DLGAP2: variants seen among roughly 807,000 people sequenced by gnomAD.
DLGAP2 encodes disks large-associated protein 2.
A neutral mutation model predicts 100.3 loss-of-function variants in DLGAP2; 26 were observed. That is an observed-to-expected ratio of 0.26 (90% CI 0.19 to 0.36). The LOEUF is 0.36. Ranked by LOEUF, DLGAP2 falls within the 10% of genes least tolerant of loss-of-function variation. The probability of loss-of-function intolerance (pLI) is 1.00; values close to 1 mark genes in which losing one functional copy is unlikely to be tolerated. For missense variants in DLGAP2, 1,858 were observed against 1,453.2 expected (o/e 1.28, Z -4.53); for synonymous variants, 886 against 630.1 (o/e 1.41, Z -6.08).
chr8:810,261 C>A (rs1796347690), intron 1 of DLGAP2, among the ~76,000 whole-genome samples: 1 of 152,228 alleles, frequency 6.6e-6, no homozygotes, highest in Non-Finnish European at 1.5e-5. Flanking sequence ...CTGATTCTTG[C>A]AATACTTGAC....
intron 1 of DLGAP2, among the ~76,000 whole-genome samples, chr8:770,246 G>C (rs1397996185): frequency 2.0e-5 from 3 of 152,158 alleles, no homozygotes; most frequent in African/African-American, 7.2e-5. Context: ...CGTCAGGGGT[G>C]AGGGAGAGTG....
intron 2 of DLGAP2, among the ~76,000 whole-genome samples, chr8:1,224,664 A>G (rs962973685): frequency 2.0e-5 from 3 of 152,246 alleles, no homozygotes; most frequent in South Asian, 4.1e-4. Flanking sequence ...CAGAATGAAA[A>G]GAGAGATTAC....
In DLGAP2 at chr8:1,549,641, C is replaced by T. The variant is rs1015888225; in HGVS notation, c.1188C>T (p.His396=). 11 of 1,580,086 alleles carry T rather than the reference C, an allele frequency of 7.0e-6. No homozygotes were observed. The highest frequency in any genetic ancestry group is 1.7e-4 in the Middle Eastern group (1 of 6,032). The part of the protein sequence containing the change: ...SSLNLDKPLL[H]QDAKPALRPC... Reference sequence around the variant, plus strand: ...TGAACCTGGACAAGCCGCTGCTGCACCAGGACGCCAAGCCCGCCCTGAGGC... The same window carrying T: ...TGAACCTGGACAAGCCGCTGCTGCATCAGGACGCCAAGCCCGCCCTGAGGC... The change falls in exon 5 of 15, where the codon CAC becomes CAT. Residue 396 remains histidine, a synonymous_variant. Transcript: ENST00000637795.
intron 4 of DLGAP2, among the ~76,000 whole-genome samples, chr8:1,529,302 C>G (rs917098370): frequency 2.6e-5 from 4 of 152,200 alleles, no homozygotes; most frequent in Admixed American, 1.3e-4. Context: ...CCCCAGGATT[C>G]AATGACCTCC....
At chr8:1,589,660 C>T (rs1029437309) in intron 6 of DLGAP2, among the ~76,000 whole-genome samples, 1 of 152,180 alleles carries the variant, frequency 6.6e-6, no homozygotes. Context: ...GTAGCCCAGG[C>T]TGGTCTCAAA....
chr8:1,332,432 T>C (rs1801180242), intron 3 of DLGAP2, among the ~76,000 whole-genome samples: 1 of 152,112 alleles, frequency 6.6e-6, no homozygotes, highest in African/African-American at 2.4e-5. Flanking sequence ...TCAGTGTATA[T>C]ATGTCTGTGT....
chr8:1,493,852 T>G (rs1799465068), intron 3 of DLGAP2, among the ~76,000 whole-genome samples: 1 of 152,226 alleles, frequency 6.6e-6, no homozygotes, highest in African/African-American at 2.4e-5. Flanking sequence ...TGATTCTTCC[T>G]AGGCAGTGCT....
intron 3 of DLGAP2, among the ~76,000 whole-genome samples, chr8:1,432,257 CT>C (rs1436876367): frequency 2.0e-5 from 3 of 152,198 alleles, no homozygotes; most frequent in Non-Finnish European, 4.4e-5. Flanking sequence ...TTTAAAAATT[CT>C]TTATTGATTG....
intron 1 of DLGAP2, among the ~76,000 whole-genome samples, chr8:782,853 G>C (rs752358967): frequency 6.6e-6 from 1 of 152,166 alleles, no homozygotes; most frequent in Admixed American, 6.5e-5. Flanking sequence ...TTCCGCGTCT[G>C]CTGTGTCCTC....
intron 3 of DLGAP2, among the ~76,000 whole-genome samples, chr8:1,355,983 G>A (rs1442960426): frequency 1.3e-5 from 2 of 152,228 alleles, no homozygotes; most frequent in Non-Finnish European, 2.9e-5. Context: ...CCAAGGCTCC[G>A]CATTTGGGTG....
chr8:1,350,308 C>T lies in DLGAP2; in HGVS notation c.106+91425C>T, dbSNP rs543741406. ...CCTGAGCGTGCGTGGAAAGGCCGTGCGGGTCCTGAGCGTGCGTGGAAAGGC... is the reference window on the plus strand; with the variant it reads ...CCTGAGCGTGCGTGGAAAGGCCGTGTGGGTCCTGAGCGTGCGTGGAAAGGC... On this transcript the variant is annotated intron_variant, in intron 3 of 14. Coordinates refer to ENST00000637795, the MANE Select transcript of DLGAP2 (RefSeq NM_001346810.2). 1.5e-4 allele frequency among the ~76,000 whole-genome samples: 13 copies of T among 84,162 alleles called. 1 individual carries two copies. Among genetic ancestry groups the T allele is most frequent in the African/African-American group, 3.6e-4 (9 of 25,048 alleles). 55.2% of individuals were successfully genotyped at this position (84,162 alleles called of 152,430 possible). A position where few individuals can be genotyped will look rare whatever the true frequency, so the allele number is the denominator to read the frequency against.
chr8:1,204,123 C>T (rs1292839132), intron 2 of DLGAP2, among the ~76,000 whole-genome samples: 2 of 152,214 alleles, frequency 1.3e-5, no homozygotes, highest in African/African-American at 4.8e-5. Flanking sequence ...GAAAAGGTTG[C>T]CATACATGGC....
intron 3 of DLGAP2, among the ~76,000 whole-genome samples, chr8:1,303,224 C>A (rs941583875): frequency 1.3e-5 from 2 of 152,140 alleles, no homozygotes; most frequent in South Asian, 2.1e-4. Context: ...GGTGAAACCC[C>A]GTCTCTACTA....
chr8:1,086,397 T>G (rs192959210), intron 2 of DLGAP2, among the ~76,000 whole-genome samples: 30 of 152,302 alleles, frequency 2.0e-4, no homozygotes, highest in African/African-American at 7.0e-4. Flanking sequence ...TTGTTGTGGG[T>G]TTGTCATATA....
At chr8:1,151,975 C>G (rs1796705720) in intron 2 of DLGAP2, among the ~76,000 whole-genome samples, 1 of 152,194 alleles carries the variant, frequency 6.6e-6, no homozygotes, top group Admixed American at 6.5e-5. Context: ...CCACAAGACA[C>G]CTGCGAGTAG....
chr8:1,532,298 C>A (rs1801012110), intron 4 of DLGAP2, among the ~76,000 whole-genome samples: 1 of 152,228 alleles, frequency 6.6e-6, no homozygotes, highest in South Asian at 2.1e-4. Flanking sequence ...CACTGCCATT[C>A]CGATCCTTCT....
chr8:950,428 G>T (rs1426884799), intron 2 of DLGAP2, among the ~76,000 whole-genome samples: 1 of 152,032 alleles, frequency 6.6e-6, no homozygotes, highest in Admixed American at 6.6e-5. Flanking sequence ...GCTTCCTGCG[G>T]GTCACGTCAT....
At chr8:1,154,907 G>A (rs1447465497) in intron 2 of DLGAP2, among the ~76,000 whole-genome samples, 3 of 152,136 alleles carry the variant, frequency 2.0e-5, no homozygotes, top group African/African-American at 7.2e-5. Context: ...CAGTGTCCTC[G>A]GCCTACAGGA....
chr8:1,285,387 C>G (rs1271713532), intron 3 of DLGAP2, among the ~76,000 whole-genome samples: 2 of 152,176 alleles, frequency 1.3e-5, no homozygotes, highest in African/African-American at 2.4e-5. Flanking sequence ...AAAAAAGACA[C>G]TAACAAATGA....
Sources: gnomAD v4.1 joint callset for allele counts (sites outside exome capture counted in the v4.1 genomes callset) on GRCh38, gnomAD v4.1.1 for gene constraint, MANE v1.5 for transcripts, NCBI Gene and HGNC (gene_info 2026-07-23, HGNC 2026-07-21) for gene names.